Variants in TRIO observed in about 807,000 individuals in gnomAD.
TRIO encodes triple functional domain protein.
In TRIO, 58 loss-of-function variants were observed where a neutral mutation model predicts 351.9. The observed-to-expected ratio is 0.16, with a 90% CI of 0.13 to 0.21. TRIO has a LOEUF of 0.21. Ranked by LOEUF, TRIO falls within the 10% of genes least tolerant of loss-of-function variation. The pLI is 1.00. For missense variants in TRIO, 3,201 were observed against 4,027.8 expected, an observed-to-expected ratio of 0.79 and a Z score of 5.56; for synonymous variants, 1,758 against 1,595.7, an observed-to-expected ratio of 1.10 and a Z score of -2.42.
In TRIO at chr5:14,471,113, T is replaced by TTTCTC. The variant is rs70964551; in HGVS notation, c.5764-203_5764-202insCTCTT. Among the ~76,000 whole-genome samples, 147,751 of 152,206 alleles carry TTTCTC rather than the reference T, an allele frequency of 0.97. 71,740 individuals carry two copies. Among genetic ancestry groups the TTTCTC allele is most frequent in the East Asian group, 1 (5,183 of 5,188 alleles). Reference sequence around the variant, plus strand: ...ATTCACTATCCTTTTCATTCCAACTTTTTTCTCCACCTCCTTTGACTCTAT... The same window carrying TTTCTC: ...ATTCACTATCCTTTTCATTCCAACTTTTCTCTTTTCTCCACCTCCTTTGACTCTAT... On this transcript the variant is annotated intron_variant, in intron 37 of 56. Coordinates refer to ENST00000344204, the MANE Select transcript of TRIO (RefSeq NM_007118.4).
chr5:14,391,384 A>T (rs1215787628), intron 27 of TRIO, among the ~76,000 whole-genome samples: 3 of 152,260 alleles, frequency 2.0e-5, no homozygotes, highest in Non-Finnish European at 4.4e-5. Flanking sequence ...ACAAAAATAA[A>T]TGTGAATCTT....
intron 1 of TRIO, among the ~76,000 whole-genome samples, chr5:14,153,649 C>T (rs1787952913): frequency 6.6e-6 from 1 of 152,082 alleles, no homozygotes; most frequent in Admixed American, 6.6e-5. Context: ...ATGAGGATGT[C>T]TGCTTCTGGT....
intron 53 of TRIO, among the ~76,000 whole-genome samples, chr5:14,499,764 C>T (rs1003662272): frequency 6.6e-6 from 1 of 151,698 alleles, no homozygotes; most frequent in Non-Finnish European, 1.5e-5. Flanking sequence ...GAAAGGTATA[C>T]TATTCAGCTG....
chr5:14,409,651 G>A (rs567253898), intron 33 of TRIO, among the ~76,000 whole-genome samples: 14 of 152,038 alleles, frequency 9.2e-5, no homozygotes, highest in South Asian at 8.3e-4. Flanking sequence ...TGGCTAACAT[G>A]GTGAAACCCC....
intron 27 of TRIO, 89 bp from the exon 28 acceptor site, chr5:14,393,949 C>T: frequency 5.2e-6 from 4 of 764,064 alleles, no homozygotes; most frequent in Non-Finnish European, 6.4e-6. Context: ...TTGTCAGGTA[C>T]AGTATTTGGA....
chr5:14,235,782 T>A (rs1793726896), intron 1 of TRIO, among the ~76,000 whole-genome samples: 1 of 152,102 alleles, frequency 6.6e-6, no homozygotes, highest in African/African-American at 2.4e-5. Flanking sequence ...GGATATAGGC[T>A]TTTTGTGGTT....
At chr5:14,351,945 G>A (rs1470954603) in intron 11 of TRIO, among the ~76,000 whole-genome samples, 2 of 152,186 alleles carry the variant, frequency 1.3e-5, no homozygotes, top group Non-Finnish European at 2.9e-5. Context: ...CCTCTGTGGC[G>A]GGGTCTCCCT....
chr5:14,499,583 C>T (rs1046911162), intron 53 of TRIO, among the ~76,000 whole-genome samples: 2 of 152,136 alleles, frequency 1.3e-5, no homozygotes, highest in African/African-American at 4.8e-5. Flanking sequence ...TTTTTAACAA[C>T]ATTAAATCAG....
At chr5:14,213,827 T>A (rs1490574968) in intron 1 of TRIO, among the ~76,000 whole-genome samples, 1 of 152,174 alleles carries the variant, frequency 6.6e-6, no homozygotes, top group Non-Finnish European at 1.5e-5. Flanking sequence ...AGAGCTTCTG[T>A]CCAGGGATTC....
intron 37 of TRIO, chr5:14,466,505 TCTAA>T (rs1754274144): frequency 6.6e-6 from 1 of 152,268 alleles, no homozygotes; most frequent in Non-Finnish European, 1.5e-5. Context: ...ATGTGTTGCT[TCTAA>T]CTGATTCAAA....
At chr5:14,454,580 G>A (rs376405099) in intron 34 of TRIO, among the ~76,000 whole-genome samples, 1 of 152,180 alleles carries the variant, frequency 6.6e-6, no homozygotes, top group Non-Finnish European at 1.5e-5. Context: ...CTTGCAGCTG[G>A]TTTGTTGGCT....
At chr5:14,289,501 A>G (rs1736726548) in intron 4 of TRIO, among the ~76,000 whole-genome samples, 1 of 152,116 alleles carries the variant, frequency 6.6e-6, no homozygotes, top group Admixed American at 6.5e-5. Context: ...TACAGCATGT[A>G]ATCATCGCCA....
At chr5:14,302,139 A>G (rs943798013) in intron 7 of TRIO, among the ~76,000 whole-genome samples, 1 of 152,132 alleles carries the variant, frequency 6.6e-6, no homozygotes, top group Admixed American at 6.5e-5. Context: ...TTTTTTCTTT[A>G]TTGGTTGTTG....
At chr5:14,371,142 G>GGCTTAAATTGAGCACTTTTAA (rs1207308737) in intron 18 of TRIO, among the ~76,000 whole-genome samples, 2 of 152,160 alleles carry the variant, frequency 1.3e-5, no homozygotes, top group Non-Finnish European at 2.9e-5. Flanking sequence ...GGTAACTGTA[G>GGCTTAAATTGAGCACTTTTAA]GCTTAAATTG....
At chr5:14,348,769 G>GCATGTTTGTGTGTGTACGCACGTGAGCA (rs1161613946) in intron 11 of TRIO, among the ~76,000 whole-genome samples, 4 of 109,832 alleles carry the variant, frequency 3.6e-5, no homozygotes, top group Admixed American at 3.2e-4. Flanking sequence ...ATGAGCATGT[G>GCATGTTTGTGTGTGTACGCACGTGAGCA]TGTTTTTCCT....
At chr5:14,307,618 G>C (rs886472050) in intron 8 of TRIO, among the ~76,000 whole-genome samples, 3 of 152,176 alleles carry the variant, frequency 2.0e-5, no homozygotes, top group Non-Finnish European at 4.4e-5. Flanking sequence ...TGGCCACTTG[G>C]TCAGATTGGT....
At chr5:14,277,434 A>G (rs1208385589) in intron 2 of TRIO, among the ~76,000 whole-genome samples, 1 of 152,242 alleles carries the variant, frequency 6.6e-6, no homozygotes, top group Non-Finnish European at 1.5e-5. Context: ...GCTTCCATAC[A>G]TAGACATCCT....
At chr5:14,200,892 C>T (rs1791067146) in intron 1 of TRIO, among the ~76,000 whole-genome samples, 2 of 152,078 alleles carry the variant, frequency 1.3e-5, no homozygotes, top group South Asian at 4.2e-4. Context: ...TCAAAGTTAG[C>T]CAAAAATTCC....
At chr5:14,178,387 C>T (rs555361375) in intron 1 of TRIO, among the ~76,000 whole-genome samples, 19 of 152,268 alleles carry the variant, frequency 1.2e-4, no homozygotes, top group Middle Eastern at 6.8e-3. Flanking sequence ...GTGTTCTGGC[C>T]GCATGTTAGG....
Sources: gnomAD v4.1 joint callset for allele counts (sites outside exome capture counted in the v4.1 genomes callset) on GRCh38, gnomAD v4.1.1 for gene constraint, MANE v1.5 for transcripts, NCBI Gene and HGNC (gene_info 2026-07-23, HGNC 2026-07-21) for gene names.